Variants in WRNIP1 observed in about 807,000 individuals in gnomAD.
WRNIP1 encodes the protein ATPase WRNIP1.
In WRNIP1, 41 loss-of-function variants were observed where a neutral mutation model predicts 56.1. The observed-to-expected ratio is 0.73, with a 90% CI of 0.57 to 0.95. The LOEUF is 0.95. WRNIP1 is among the 40% of genes least tolerant of loss of function. The pLI is 0.00. For synonymous variants in WRNIP1, 547 were observed against 398.1 expected, an observed-to-expected ratio of 1.37 and a Z score of -4.45; for missense variants, 1,170 against 939.4, an observed-to-expected ratio of 1.25 and a Z score of -3.21.
rs1009501341 is a variant in WRNIP1 at position 2,766,102 on chromosome 6, G to T, written c.480G>T (p.Ala160=). The T allele has an allele frequency of 1.5e-6, 2 of 1,316,872 alleles. No individual in the cohort carries two copies. Among genetic ancestry groups the T allele is most frequent in the Non-Finnish European group, 1.9e-6 (2 of 1,040,880 alleles). The allele number at this position is 1,316,872 out of a possible 1,614,324, so 81.6% of individuals were successfully genotyped here. ...CGTCTCCGCGCAGCTGGGACGAGGC[G>T]GAGGCGCAGGAGGAGGAGGAGGCCG... ...GSASPRSWDE[A]EAQEEEEAVG... is the part of the protein sequence containing the mutation. Residue 160 remains alanine, a synonymous_variant, in exon 1 of 7, where the codon GCG becomes GCT. Transcript: ENST00000380773.
Position 2,765,820 on chromosome 6 carries a change from G to T in WRNIP1, c.198G>T (p.Pro66=). The T allele has an allele frequency of 2.2e-6, 3 of 1,355,098 alleles. No homozygotes were observed. The highest frequency in any genetic ancestry group is 3.1e-5 in the African/African-American group (2 of 65,464). 83.9% of individuals were successfully genotyped at this position (1,355,098 alleles called of 1,614,324 possible). Residue 66 remains proline, a synonymous_variant, in exon 1 of 7, where the codon CCG becomes CCT. Coordinates refer to ENST00000380773, the MANE Select transcript of WRNIP1 (RefSeq NM_020135.3). ...RAGERAKGPS[P]PGAKRRRLSE... ...GGGAGCGGGCCAAGGGGCCCTCGCC[G>T]CCCGGCGCCAAGAGGCGGCGGCTGT... is the stretch of plus-strand genomic sequence containing the variant.
intron 4 of WRNIP1, 45 bp downstream of exon 4, chr6:2,779,537 G>A (rs1274143434): frequency 1.9e-6 from 3 of 1,568,768 alleles, no homozygotes; most frequent in South Asian, 1.2e-5. Context: ...ACGGAAAGAA[G>A]TGTGTGCACA....
intron 3 of WRNIP1, among the ~76,000 whole-genome samples, chr6:2,770,910 C>T (rs989795784): frequency 6.6e-6 from 1 of 152,160 alleles, no homozygotes; most frequent in African/African-American, 2.4e-5. Flanking sequence ...GGAATGTTAA[C>T]TGAATATGAC....
intron 1 of WRNIP1, among the ~76,000 whole-genome samples, chr6:2,766,700 G>A (rs1390897548): frequency 6.6e-6 from 1 of 152,206 alleles, no homozygotes; most frequent in African/African-American, 2.4e-5. Context: ...TGAATCCATA[G>A]TTTTACAAGA....
chr6:2,775,459 CTT>C (rs1361554330), intron 3 of WRNIP1, among the ~76,000 whole-genome samples: 1 of 152,226 alleles, frequency 6.6e-6, no homozygotes, highest in African/African-American at 2.4e-5. Context: ...TGAAATGTTC[CTT>C]TTCCTTAGTG....
Position 2,770,137 on chromosome 6 carries a change from C to A in WRNIP1, c.1032C>A (p.His344Gln), listed in dbSNP as rs766348656. The A allele has an allele frequency of 6.2e-7, 1 of 1,614,234 alleles. No homozygotes were observed. The highest frequency in any genetic ancestry group is 2.2e-5 in the East Asian group (1 of 44,892). The stretch of plus-strand genomic sequence containing the variant: ...ATGATTAGGACACTTTCCTTCCTCA[C>A]GTGGAATGTGGGACGATCACTCTGA... Reference protein sequence around the residue: ...NKSQQDTFLPHVECGTITLIG... With the variant: ...NKSQQDTFLPQVECGTITLIG... Residue 344 changes from histidine (H) to glutamine (Q), a missense_variant, in exon 3 of 7, where the codon CAC (histidine) becomes CAA (glutamine). By Grantham distance (24) the His-to-Gln change is conservative. Transcript: ENST00000380773.
intron 5 of WRNIP1, 27 bp from the exon 6 acceptor site, chr6:2,784,297 A>G (rs1561918373): frequency 6.2e-7 from 1 of 1,603,162 alleles, no homozygotes; most frequent in African/African-American, 1.4e-5. Flanking sequence ...CATGACTGAA[A>G]CTCTCCTTTG....
At position 2,785,130 on chromosome 6, in the gene WRNIP1, C is replaced by T; in HGVS notation, c.1846C>T (p.Leu616=). 1.2e-6 allele frequency: 2 copies of T among 1,614,222 alleles called. No individual in the cohort carries two copies. Among genetic ancestry groups the T allele is most frequent in the Non-Finnish European group, 1.7e-6 (2 of 1,180,044 alleles). ...CCAGGGGCCACTGCCCCCCGTGCCC[C>T]TGCACCTGAGGAACGCGCCCACTAG... ...NHQGPLPPVP[L]HLRNAPTRLM... The change falls in exon 7 of 7, where the codon CTG becomes TTG. Residue 616 remains leucine (L), a synonymous_variant. Transcript: ENST00000380773.
intron 3 of WRNIP1, among the ~76,000 whole-genome samples, chr6:2,778,236 G>A (rs544476411): frequency 7.2e-5 from 11 of 152,218 alleles, no homozygotes; most frequent in African/African-American, 1.2e-4. Context: ...TAGCTGATTC[G>A]GACAGTCCTA....
rs752546950 is a variant in WRNIP1, at chr6:2,766,217, G to A, written c.595G>A (p.Ala199Thr). The A allele has an allele frequency of 1.1e-5, 16 of 1,476,096 alleles. No individual in the cohort carries two copies. The highest frequency in any genetic ancestry group is 9.5e-5 in the Admixed American group (4 of 42,200). 91.4% of individuals were successfully genotyped at this position (1,476,096 alleles called of 1,614,324 possible). The change falls in exon 1 of 7, where the codon GCC becomes ACC. Residue 199 changes from alanine to threonine, a missense_variant. Ala to Thr is a moderately conservative substitution (Grantham distance 58). Coordinates refer to ENST00000380773, the MANE Select transcript of WRNIP1 (RefSeq NM_020135.3). ...WDADAAEAAT[A>T]FGASGGGRPH... ...CGCGGACGCTGCCGAAGCCGCCACC[G>A]CCTTCGGGGCCAGTGGCGGGGGCCG...
chr6:2,781,995 CT>C (rs1765572185), intron 4 of WRNIP1, among the ~76,000 whole-genome samples: 1 of 152,260 alleles, frequency 6.6e-6, no homozygotes, highest in Admixed American at 6.5e-5. Flanking sequence ...GGTATTGCCC[CT>C]GGCATTGACA....
chr6:2,784,550 A>C, intron 6 of WRNIP1, 147 bp downstream of exon 6: 1 of 755,108 alleles, frequency 1.3e-6, no homozygotes, highest in Non-Finnish European at 2.1e-6. Context: ...CCAATTGTAG[A>C]CTCTTAGACT....
intron 3 of WRNIP1, chr6:2,773,564 A>G (rs1322604481): frequency 3.0e-6 from 3 of 985,444 alleles, no homozygotes; most frequent in Non-Finnish European, 3.6e-6. Context: ...TTTGGATCAC[A>G]TGATACAAAC....
intron 3 of WRNIP1, among the ~76,000 whole-genome samples, chr6:2,770,809 TAAAAA>T (rs1225348859): frequency 6.8e-6 from 1 of 147,082 alleles, no homozygotes; most frequent in Non-Finnish European, 1.5e-5. Context: ...AGCATTTTGT[TAAAAA>T]AAAAAAATCA....
chr6:2,777,108 G>GT (rs371572951), intron 3 of WRNIP1, among the ~76,000 whole-genome samples: 59,951 of 151,886 alleles, frequency 0.39, 12,175 homozygotes, highest in South Asian at 0.49. Flanking sequence ...TCATTCTGCT[G>GT]GAAATATCAA....
At chr6:2,780,793 G>C (rs1440584189) in intron 4 of WRNIP1, among the ~76,000 whole-genome samples, 1 of 152,114 alleles carries the variant, frequency 6.6e-6, no homozygotes, top group East Asian at 1.9e-4. Context: ...CTCTCTTCTT[G>C]TAGGTGTCCC....
At chr6:2,780,859 C>T (rs1765540216) in intron 4 of WRNIP1, among the ~76,000 whole-genome samples, 1 of 152,176 alleles carries the variant, frequency 6.6e-6, no homozygotes, top group Non-Finnish European at 1.5e-5. Context: ...GACATTTTAT[C>T]AGACTGTCAC....
At chr6:2,769,919 G>T (rs1268986840) in intron 2 of WRNIP1, among the ~76,000 whole-genome samples, 1 of 152,182 alleles carries the variant, frequency 6.6e-6, no homozygotes, top group African/African-American at 2.4e-5. Context: ...GGGCATTCCA[G>T]AAGATGTGTT....
chr6:2,765,412 G>C lies in WRNIP1; in HGVS notation c.-211G>C. 2.2e-6 allele frequency: 1 copy of C among 455,264 alleles called. No homozygotes were observed. Among genetic ancestry groups the C allele is most frequent in the Non-Finnish European group, 3.4e-6 (1 of 296,714 alleles). 28.2% of individuals were successfully genotyped at this position (455,264 alleles called of 1,614,324 possible). Reference sequence around the variant, plus strand: ...CGAACTACACTTCCCGACACGCCGCGTGAGGCGCTGCCAGCGGCCGGCCGA... The same window carrying C: ...CGAACTACACTTCCCGACACGCCGCCTGAGGCGCTGCCAGCGGCCGGCCGA... On this transcript the variant is annotated 5_prime_UTR_variant, in exon 1 of 7. Transcript: ENST00000380773.
Sources: allele counts gnomAD v4.1 joint callset (sites outside exome capture counted in the v4.1 genomes callset), GRCh38; gene constraint gnomAD v4.1.1; transcripts MANE v1.5; gene names NCBI Gene and HGNC (gene_info 2026-07-23, HGNC 2026-07-21).